The following AHCTF1 variants were observed in gnomAD, a reference collection of about 807,000 sequenced individuals.
AHCTF1 encodes protein ELYS.
A neutral mutation model predicts 248.4 loss-of-function variants in AHCTF1; 24 were observed. The observed-to-expected ratio is 0.10, with a 90% CI of 0.07 to 0.14. AHCTF1 has a LOEUF of 0.14. Ranked by LOEUF, AHCTF1 falls within the 10% of genes least tolerant of loss-of-function variation. The pLI is 1.00. For synonymous variants in AHCTF1, 786 were observed against 929.8 expected (o/e 0.85, Z 2.81); for missense variants, 2,206 against 2,636.2 (o/e 0.84, Z 3.57).
At chr1:246,868,991 C>T (rs533215428) in intron 24 of AHCTF1, among the ~76,000 whole-genome samples, 30 of 150,120 alleles carry the variant, frequency 2.0e-4, no homozygotes, top group South Asian at 4.2e-4. Context: ...ACTACAGGCG[C>T]CCGCCACCAT....
chr1:246,922,807 C>T (rs1252445748), intron 1 of AHCTF1, among the ~76,000 whole-genome samples: 2 of 150,184 alleles, frequency 1.3e-5, no homozygotes, highest in Admixed American at 1.3e-4. Context: ...ACGGTGAAAC[C>T]CTGTCTCTAC....
chr1:246,899,003 C>T (rs1664801730), intron 11 of AHCTF1, among the ~76,000 whole-genome samples: 1 of 152,232 alleles, frequency 6.6e-6, no homozygotes, highest in South Asian at 2.1e-4. Flanking sequence ...GCAGAAGAAT[C>T]ACTTGAACCT....
Position 246,913,344 on chromosome 1 carries a change from A to G in AHCTF1, c.444T>C (p.Ser148=). The G allele has an allele frequency of 3.1e-6, 5 of 1,613,998 alleles. No individual in the cohort carries two copies. Among genetic ancestry groups the G allele is most frequent in the Non-Finnish European group, 4.2e-6 (5 of 1,179,878 alleles). The part of the protein sequence containing the change: ...ASASTQHLHP[S]LRWLFGVAAV... ...CTGCCACTCCAAAAAGCCATCGCAGACTTGGATGTAAATGCTGAGTGCTTG... is the reference window on the plus strand; with the variant it reads ...CTGCCACTCCAAAAAGCCATCGCAGGCTTGGATGTAAATGCTGAGTGCTTG... The change falls in exon 4 of 36, where the codon AGT becomes AGC. Residue 148 remains serine (S), a synonymous_variant. Transcript: ENST00000648844.
At chr1:246,893,448 A>G (rs1221858852) in intron 14 of AHCTF1, among the ~76,000 whole-genome samples, 1 of 152,242 alleles carries the variant, frequency 6.6e-6, no homozygotes, top group Non-Finnish European at 1.5e-5. Flanking sequence ...CACAAGAGAA[A>G]TGACTAAAAC....
intron 29 of AHCTF1, among the ~76,000 whole-genome samples, chr1:246,858,273 C>G (rs1456398264): frequency 1.3e-5 from 2 of 152,082 alleles, no homozygotes; most frequent in East Asian, 3.9e-4. Flanking sequence ...CCTTCTTCTT[C>G]TAATTCTCTG....
At chr1:246,930,169 C>T (rs1016520758) in intron 1 of AHCTF1, among the ~76,000 whole-genome samples, 11 of 152,214 alleles carry the variant, frequency 7.2e-5, no homozygotes, top group Admixed American at 3.3e-4. Flanking sequence ...CAGGTTCTCG[C>T]TCTGTCACAC....
intron 5 of AHCTF1, among the ~76,000 whole-genome samples, chr1:246,905,897 G>A (rs1049676227): frequency 6.6e-6 from 1 of 152,198 alleles, no homozygotes; most frequent in Admixed American, 6.5e-5. Flanking sequence ...CAGTCAAGCG[G>A]ATGCATTTAT....
intron 6 of AHCTF1, 146 bp downstream of exon 6, chr1:246,905,395 G>A: frequency 5.0e-6 from 3 of 594,748 alleles, no homozygotes; most frequent in East Asian, 6.2e-5. Context: ...CTACTCGGGA[G>A]GCTGAGCGAG....
intron 1 of AHCTF1, among the ~76,000 whole-genome samples, chr1:246,930,365 G>C (rs769739683): frequency 6.6e-6 from 1 of 151,958 alleles, no homozygotes; most frequent in Non-Finnish European, 1.5e-5. Flanking sequence ...TTGCAAACTC[G>C]TGACAGCTTG....
rs192780663 is a variant in AHCTF1 at position 246,905,030 on chromosome 1, C to T, written c.881+511G>A. Among the ~76,000 whole-genome samples, 48 of 152,210 alleles carry T rather than the reference C, an allele frequency of 3.2e-4. No individual in the cohort carries two copies. The South Asian group carries it at 8.5e-3, about 27-fold the overall frequency. ...TCTGTGAAAAACATTCAAGTAAGTCCGCACAATTTCTTCTGATAACTCAGA... is the reference window on the plus strand; with the variant it reads ...TCTGTGAAAAACATTCAAGTAAGTCTGCACAATTTCTTCTGATAACTCAGA... On this transcript the variant is annotated intron_variant, in intron 6 of 35. Coordinates refer to ENST00000648844, the MANE Select transcript of AHCTF1 (RefSeq NM_001323342.2).
At chr1:246,859,897 GAC>G (rs1661402172) in intron 29 of AHCTF1, among the ~76,000 whole-genome samples, 1 of 152,142 alleles carries the variant, frequency 6.6e-6, no homozygotes, top group African/African-American at 2.4e-5. Flanking sequence ...TGGAGGTGAG[GAC>G]AGAGAGTAGA....
chr1:246,866,703 G>A (rs899220480), intron 26 of AHCTF1, among the ~76,000 whole-genome samples: 21 of 152,062 alleles, frequency 1.4e-4, no homozygotes, highest in Admixed American at 7.9e-4. Context: ...AATACATGAA[G>A]AGACATACTC....
chr1:246,849,048 T>G (rs546241650), intron 33 of AHCTF1, among the ~76,000 whole-genome samples: 2 of 152,326 alleles, frequency 1.3e-5, no homozygotes, highest in African/African-American at 4.8e-5. Flanking sequence ...GTGCTCCCTT[T>G]GGGGAGAGAT....
chr1:246,845,310 T>A (rs1438875428), intron 33 of AHCTF1, among the ~76,000 whole-genome samples: 2 of 152,090 alleles, frequency 1.3e-5, no homozygotes, highest in Non-Finnish European at 2.9e-5. Context: ...TAGGTGTATA[T>A]ATAAAAATGT....
At chr1:246,883,743 T>G (rs1354001340) in intron 21 of AHCTF1, among the ~76,000 whole-genome samples, 2 of 152,218 alleles carry the variant, frequency 1.3e-5, no homozygotes, top group East Asian at 3.8e-4. Flanking sequence ...TATTTCTGTA[T>G]TTAATGTATA....
At chr1:246,897,910 T>C (rs1017429950) in intron 12 of AHCTF1, among the ~76,000 whole-genome samples, 4 of 80,588 alleles carry the variant, frequency 5.0e-5, no homozygotes, top group Non-Finnish European at 1.0e-4. Flanking sequence ...GCCCAAGAGG[T>C]TGAGGCTACA....
At chr1:246,856,109 T>C (rs1661094355) in intron 30 of AHCTF1, among the ~76,000 whole-genome samples, 2 of 152,218 alleles carry the variant, frequency 1.3e-5, no homozygotes, top group Non-Finnish European at 2.9e-5. Flanking sequence ...TCAGTATACA[T>C]TATATTTAAG....
At position 246,849,830 on chromosome 1, in the gene AHCTF1, C is replaced by T. The variant is rs1172239410; in HGVS notation, c.6176G>A (p.Arg2059His). Residue 2059 changes from arginine (R) to histidine (H), a missense_variant, in exon 33 of 36, where the codon CGT becomes CAT. Coordinates refer to ENST00000648844, the MANE Select transcript of AHCTF1 (RefSeq NM_001323342.2). The stretch of plus-strand genomic sequence containing the variant: ...TTCTTCTGATACTGAGTGCAATGAA[C>T]GTTTTTGGCTTTGACTTTCAGTCTT... ...TKKTESQSQK[R>H]SLHSVSEERT... 5.6e-6 allele frequency: 9 copies of T among 1,613,794 alleles called. No homozygotes were observed. Among genetic ancestry groups the T allele is most frequent in the East Asian group, 4.5e-5 (2 of 44,888 alleles).
chr1:246,867,580 G>A (rs1385707595), intron 25 of AHCTF1, 81 bp downstream of exon 25: 5 of 1,503,658 alleles, frequency 3.3e-6, no homozygotes, highest in Non-Finnish European at 4.6e-6. Context: ...TAGGCAAAGA[G>A]AGTGGATTGT....
Sources: gnomAD v4.1 joint callset for allele counts (sites outside exome capture counted in the v4.1 genomes callset) on GRCh38, gnomAD v4.1.1 for gene constraint, MANE v1.5 for transcripts, NCBI Gene and HGNC (gene_info 2026-07-23, HGNC 2026-07-21) for gene names.